RABGAP1: variants seen among roughly 807,000 people sequenced by gnomAD.
The protein encoded by RABGAP1 is rab GTPase-activating protein 1.
RABGAP1 carries 23 observed loss-of-function variants against 137.6 expected under a neutral mutation model. The ratio of observed to expected loss-of-function variants is 0.17; its 90% CI spans 0.12 to 0.24. The LOEUF (loss-of-function observed/expected upper bound fraction) is 0.24. Among genes scored for constraint, RABGAP1 ranks in the 10% least tolerant of loss-of-function variants. The probability of loss-of-function intolerance (pLI) is 1.00; values close to 1 mark genes in which losing one functional copy is unlikely to be tolerated. For synonymous variants in RABGAP1, 451 were observed against 450.7 expected, an observed-to-expected ratio of 1.00 and a Z score of -0.01; for missense variants, 906 against 1,275.8, an observed-to-expected ratio of 0.71 and a Z score of 4.42.
chr9:122,976,845 C>G (rs980327374), intron 2 of RABGAP1, among the ~76,000 whole-genome samples: 1 of 152,136 alleles, frequency 6.6e-6, no homozygotes, highest in Non-Finnish European at 1.5e-5. Flanking sequence ...TAAATCCTAT[C>G]TAGAACGGTT....
At position 123,103,325 on chromosome 9, in the gene RABGAP1, G is replaced by C. The variant is rs2035396909; in HGVS notation, c.*112G>C. On this transcript the variant is annotated 3_prime_UTR_variant, in exon 26 of 26. Coordinates refer to ENST00000373647, the MANE Select transcript of RABGAP1 (RefSeq NM_012197.4). ...CCAGGACCAGAATGTACCTAAGTCA[G>C]ATCCATAGACGCATGTTGGTAGGTC... 2 of 1,490,242 alleles carry C rather than the reference G, an allele frequency of 1.3e-6. No homozygotes were observed. Among genetic ancestry groups the C allele is most frequent in the Admixed American group, 1.9e-5 (1 of 52,528 alleles). 92.3% of individuals were successfully genotyped at this position (1,490,242 alleles called of 1,614,324 possible).
In RABGAP1 at chr9:122,990,769, C is replaced by CAAAA. The variant is rs869120702; in HGVS notation, c.923+581_923+584dup. The CAAAA allele has an allele frequency of 1.2e-3, 19 of 15,912 alleles. 1 individual carries two copies. The highest frequency in any genetic ancestry group is 3.0e-3 in the Admixed American group (2 of 656). The allele number at this position is 15,912 out of a possible 1,614,324, so 1.0% of individuals were successfully genotyped here. ...GGGCAACGAGAACGAAACTCCGTCT[C>CAAAA]AAAAAAAAAAAAAAAAAAAAAAAAA... On this transcript the variant is annotated intron_variant, in intron 6 of 25. Coordinates refer to ENST00000373647, the MANE Select transcript of RABGAP1 (RefSeq NM_012197.4).
intron 14 of RABGAP1, among the ~76,000 whole-genome samples, chr9:123,066,683 C>G (rs748110938): frequency 5.3e-5 from 8 of 152,148 alleles, no homozygotes; most frequent in Non-Finnish European, 1.2e-4. Context: ...CCTTCTACCC[C>G]CAAAGCTTCA....
intron 2 of RABGAP1, among the ~76,000 whole-genome samples, chr9:122,963,505 T>G (rs747097380): frequency 6.6e-6 from 1 of 151,592 alleles, no homozygotes; most frequent in Non-Finnish European, 1.5e-5. Flanking sequence ...ACAGGGAAAT[T>G]AAACAACATA....
chr9:122,957,797 G>C (rs778926115), intron 2 of RABGAP1, among the ~76,000 whole-genome samples: 4 of 151,754 alleles, frequency 2.6e-5, no homozygotes, highest in Admixed American at 6.6e-5. Flanking sequence ...ACTAAGTAAT[G>C]ACTATATGCC....
intron 14 of RABGAP1, among the ~76,000 whole-genome samples, chr9:123,065,876 C>T (rs1017228896): frequency 3.9e-5 from 6 of 152,308 alleles, no homozygotes; most frequent in Middle Eastern, 3.4e-3. Context: ...TATAGCACTG[C>T]AGCATAGTAA....
intron 2 of RABGAP1, among the ~76,000 whole-genome samples, chr9:122,962,983 A>G (rs888396009): frequency 6.6e-6 from 1 of 152,258 alleles, no homozygotes; most frequent in Non-Finnish European, 1.5e-5. Context: ...TAGAGGTAAT[A>G]TATGAATAAT....
intron 2 of RABGAP1, among the ~76,000 whole-genome samples, chr9:122,958,458 A>T (rs1158485630): frequency 6.6e-6 from 1 of 152,166 alleles, no homozygotes; most frequent in Non-Finnish European, 1.5e-5. Flanking sequence ...CAACGTTATG[A>T]TTGTTCCTTG....
intron 2 of RABGAP1, among the ~76,000 whole-genome samples, chr9:122,976,289 T>C (rs1835757082): frequency 6.6e-6 from 1 of 152,230 alleles, no homozygotes; most frequent in African/African-American, 2.4e-5. Flanking sequence ...TAAACACAAA[T>C]CTAAATGTAA....
intron 2 of RABGAP1, among the ~76,000 whole-genome samples, chr9:122,965,908 A>G (rs1254578570): frequency 6.6e-6 from 1 of 152,196 alleles, no homozygotes; most frequent in African/African-American, 2.4e-5. Flanking sequence ...CTGATTCAGA[A>G]TATGTTTTGG....
At position 123,099,501 on chromosome 9, in the gene RABGAP1, A is replaced by G; in HGVS notation, c.2841A>G (p.Arg947=). 1 of 1,612,736 alleles carries G rather than the reference A, an allele frequency of 6.2e-7. No individual in the cohort carries two copies. Among genetic ancestry groups the G allele is most frequent in the Non-Finnish European group, 8.5e-7 (1 of 1,178,780 alleles). The change falls in exon 24 of 26, where the codon AGA becomes AGG. Residue 947 remains arginine (R), a synonymous_variant. Transcript: ENST00000373647. ...YKQICSQLSE[R]LEKQQTANKV... ...AGATTTGTTCTCAGTTGAGTGAAAG[A>G]TTGGAGAAGCAGCAGACAGCCAATA...
rs1416812735 is a variant in RABGAP1 at position 123,076,754 on chromosome 9, A to T, written c.2416A>T (p.Asn806Tyr). 6.3e-7 allele frequency: 1 copy of T among 1,583,320 alleles called. No individual in the cohort carries two copies. The part of the protein sequence containing the change: ...NAKKLMELAC[N>Y]MKISQKKLKK... Reference sequence around the variant, plus strand: ...AAAAAAACTAATGGAATTAGCCTGCAACATGAAGGTAAAATAATTTTGCAT... The same window carrying T: ...AAAAAAACTAATGGAATTAGCCTGCTACATGAAGGTAAAATAATTTTGCAT... Residue 806 changes from asparagine (N) to tyrosine (Y), a missense_variant, in exon 19 of 26, where the codon AAC becomes TAC. Transcript: ENST00000373647.
chr9:123,097,674 C>G, intron 21 of RABGAP1, 67 bp from the exon 22 acceptor site: 1 of 1,336,036 alleles, frequency 7.5e-7, no homozygotes, highest in South Asian at 1.3e-5. Flanking sequence ...TGGGATTATG[C>G]TAAGTAATGG....
chr9:122,989,483 A>G lies in RABGAP1; in HGVS notation c.765+12A>G. ...AAATACAAGAAGCTGTAAGTCCTCAAGAGAAAACTCTCTGCAAATGAAACT... is the reference window on the plus strand; with the variant it reads ...AAATACAAGAAGCTGTAAGTCCTCAGGAGAAAACTCTCTGCAAATGAAACT... On this transcript the variant is annotated intron_variant, in intron 5 of 25. Coordinates refer to ENST00000373647, the MANE Select transcript of RABGAP1 (RefSeq NM_012197.4). 4 of 1,613,052 alleles carry G rather than the reference A, an allele frequency of 2.5e-6. No individual in the cohort carries two copies. Among genetic ancestry groups the G allele is most frequent in the Non-Finnish European group, 3.4e-6 (4 of 1,179,516 alleles).
At chr9:122,949,500 G>A (rs1164821264) in intron 1 of RABGAP1, among the ~76,000 whole-genome samples, 1 of 151,764 alleles carries the variant, frequency 6.6e-6, no homozygotes, top group African/African-American at 2.4e-5. Flanking sequence ...GGCAACAAGA[G>A]TGAAACTCCA....
intron 6 of RABGAP1, among the ~76,000 whole-genome samples, chr9:122,993,327 A>G (rs1425226700): frequency 1.3e-5 from 2 of 152,024 alleles, no homozygotes; most frequent in African/African-American, 4.8e-5. Flanking sequence ...GCTGGAGTGC[A>G]ATGGCGTGAT....
intron 7 of RABGAP1, 143 bp from the exon 8 acceptor site, chr9:122,996,396 T>G: frequency 9.2e-7 from 1 of 1,082,740 alleles, no homozygotes. Flanking sequence ...AAGGAAGGAT[T>G]ATTATTTTAG....
Position 123,101,630 on chromosome 9 carries a change from TA to T in RABGAP1, c.2956del (p.Ser986AlafsTer7). The T allele has an allele frequency of 6.2e-7, 1 of 1,614,146 alleles. No homozygotes were observed. The highest frequency in any genetic ancestry group is 8.5e-7 in the Non-Finnish European group (1 of 1,180,040). On this transcript the variant is annotated frameshift_variant, in exon 25 of 26. Transcript: ENST00000373647. LOFTEE classifies it high-confidence loss of function. ...AACAAAGAAGGGCGTGTAAAAGGCA[TA>T]AGCTCAACCAAGGAGGTTTTAGATG... Reference protein sequence around the residue: ...FFNKEGRVKGISSTKEVLDED... With the variant: ...FFNKEGRVKGXSSTKEVLDED...
At chr9:123,032,441 C>T (rs150976553) in intron 13 of RABGAP1, among the ~76,000 whole-genome samples, 76 of 152,296 alleles carry the variant, frequency 5.0e-4, no homozygotes, top group African/African-American at 1.7e-3. Context: ...ATCAGGATTA[C>T]GGTTAAATAG....
Sources: gnomAD v4.1 joint callset for allele counts (sites outside exome capture counted in the v4.1 genomes callset) on GRCh38, gnomAD v4.1.1 for gene constraint, MANE v1.5 for transcripts, NCBI Gene and HGNC (gene_info 2026-07-23, HGNC 2026-07-21) for gene names.